TTC7A: variants seen among roughly 807,000 people sequenced by gnomAD.
TTC7A encodes the protein tetratricopeptide repeat protein 7A.
Under a neutral mutation model 103.7 loss-of-function variants are expected in TTC7A, and 110 were observed. That is an observed-to-expected ratio of 1.06 (90% CI 0.91 to 1.24). TTC7A has a LOEUF of 1.24. Among genes scored for constraint, TTC7A ranks in the 50% most tolerant of loss-of-function variants. TTC7A has a pLI of 0.00. For synonymous variants in TTC7A, 521 were observed against 467.9 expected (o/e 1.11, Z -1.47); for missense variants, 1,340 against 1,116.3 (o/e 1.20, Z -2.86).
At chr2:46,990,418 C>T (rs1675509508) in intron 5 of TTC7A, among the ~76,000 whole-genome samples, 2 of 152,166 alleles carry the variant, frequency 1.3e-5, no homozygotes, top group Non-Finnish European at 2.9e-5. Flanking sequence ...GTTCTTCTGT[C>T]CTCTGTGGGG....
intron 1 of TTC7A, among the ~76,000 whole-genome samples, chr2:46,947,514 G>A (rs1017655446): frequency 6.6e-6 from 1 of 152,096 alleles, no homozygotes; most frequent in Non-Finnish European, 1.5e-5. Flanking sequence ...CCAGGAGTTC[G>A]AGACCAGCCT....
At chr2:46,968,862 TC>T (rs1433132300) in intron 3 of TTC7A, among the ~76,000 whole-genome samples, 1 of 151,962 alleles carries the variant, frequency 6.6e-6, no homozygotes, top group Non-Finnish European at 1.5e-5. Context: ...AACATTTCTA[TC>T]ACCACAGAAA....
intron 3 of TTC7A, among the ~76,000 whole-genome samples, chr2:46,966,450 T>G (rs1416686735): frequency 1.3e-5 from 2 of 152,268 alleles, no homozygotes; most frequent in Non-Finnish European, 2.9e-5. Flanking sequence ...CAGTCATGTT[T>G]TATAATCTGC....
intron 18 of TTC7A, among the ~76,000 whole-genome samples, chr2:47,057,364 A>G (rs1267330762): frequency 1.3e-5 from 2 of 152,166 alleles, no homozygotes; most frequent in African/African-American, 2.4e-5. Context: ...ACGGTTCTTC[A>G]GGGCGTGCTC....
intron 2 of TTC7A, among the ~76,000 whole-genome samples, chr2:46,922,390 A>C (rs1669151809): frequency 6.6e-6 from 1 of 152,172 alleles, no homozygotes; most frequent in Non-Finnish European, 1.5e-5. Context: ...TGTTTCCTCA[A>C]AGAGCTTTGA....
rs769210373 is a variant in TTC7A at position 46,978,849 on chromosome 2, C to T, written c.706C>T (p.Leu236Phe). 1.9e-6 allele frequency: 3 copies of T among 1,614,114 alleles called. No homozygotes were observed. The highest frequency in any genetic ancestry group is 4.5e-5 in the East Asian group (2 of 44,876). Residue 236 changes from leucine (L) to phenylalanine (F), a missense_variant, in exon 5 of 20, where the codon CTC (leucine) becomes TTC (phenylalanine). Leu to Phe is a conservative substitution (Grantham distance 22, BLOSUM62 0). Transcript: ENST00000319190. ...AGGCTGTCACCCGCTTGACTATGAGCTCACCTACTTCCTGGAAGCTGCCCT... is the reference window on the plus strand; with the variant it reads ...AGGCTGTCACCCGCTTGACTATGAGTTCACCTACTTCCTGGAAGCTGCCCT... ...LKGCHPLDYE[L>F]TYFLEAALQS... is the part of the protein sequence containing the mutation.
chr2:46,941,812 C>G lies in TTC7A; in HGVS notation c.184+87C>G. On this transcript the variant is annotated intron_variant, in intron 1 of 19. Transcript: ENST00000319190. The surrounding 1 kb of genome is among the most constrained non-coding windows in gnomAD (Gnocchi z 4.2). ...GGAAGCGCGCCCAGACAGTCCTCGG[C>G]CGACAGCGGGCGCCTGCCAGCCCAC... The G allele has an allele frequency of 6.6e-7, 1 of 1,504,984 alleles. No homozygotes were observed. Among genetic ancestry groups the G allele is most frequent in the South Asian group, 1.2e-5 (1 of 80,830 alleles). 93.2% of individuals were successfully genotyped at this position (1,504,984 alleles called of 1,614,324 possible).
At chr2:47,005,419 C>G (rs938065867) in intron 8 of TTC7A, among the ~76,000 whole-genome samples, 3 of 152,072 alleles carry the variant, frequency 2.0e-5, no homozygotes, top group Non-Finnish European at 2.9e-5. Flanking sequence ...GCAAACACAC[C>G]AGGGACTGTT....
intron 3 of TTC7A, among the ~76,000 whole-genome samples, chr2:46,958,268 G>A (rs1213366396): frequency 6.6e-6 from 1 of 152,244 alleles, no homozygotes; most frequent in Non-Finnish European, 1.5e-5. Flanking sequence ...GTCACTGTGG[G>A]TGGTCTTCGT....
chr2:46,952,441 A>G (rs1671497015), intron 2 of TTC7A, among the ~76,000 whole-genome samples: 1 of 152,188 alleles, frequency 6.6e-6, no homozygotes, highest in Non-Finnish European at 1.5e-5. Flanking sequence ...CAGTCAACAA[A>G]TAAGTAATTT....
At chr2:47,005,111 C>T (rs1026110353) in intron 8 of TTC7A, among the ~76,000 whole-genome samples, 3 of 152,192 alleles carry the variant, frequency 2.0e-5, no homozygotes, top group Admixed American at 6.5e-5. Flanking sequence ...AAATCCTCGG[C>T]GCTGGACGCC....
intron 3 of TTC7A, among the ~76,000 whole-genome samples, chr2:46,964,139 A>T (rs1040436441): frequency 4.6e-5 from 7 of 152,226 alleles, no homozygotes; most frequent in Admixed American, 4.6e-4. Flanking sequence ...GTTCGATTGA[A>T]GCACTCTTGC....
chr2:47,018,240 G>A (rs1214317703), intron 11 of TTC7A, among the ~76,000 whole-genome samples: 1 of 145,416 alleles, frequency 6.9e-6, no homozygotes, highest in Non-Finnish European at 1.5e-5. Flanking sequence ...TCGCACCACT[G>A]TACTCCAACC....
intron 11 of TTC7A, among the ~76,000 whole-genome samples, chr2:47,015,649 G>A (rs1456934465): frequency 6.6e-6 from 1 of 152,212 alleles, no homozygotes. Context: ...CATGAAGAGT[G>A]CCCCTGCTTA....
At position 47,023,703 on chromosome 2, in the gene TTC7A, G is replaced by A. The variant is rs529612970; in HGVS notation, c.1568+238G>A. Reference sequence around the variant, plus strand: ...CAAGTCTCGGTTCCTGCTCTCCCAGGGCTCAGGGGTCTAAAATGGGTATAG... The same window carrying A: ...CAAGTCTCGGTTCCTGCTCTCCCAGAGCTCAGGGGTCTAAAATGGGTATAG... On this transcript the variant is annotated intron_variant, in intron 13 of 19. Transcript: ENST00000319190. Among the ~76,000 whole-genome samples the A allele has an allele frequency of 2.6e-5, 4 of 152,262 alleles. No homozygotes were observed. The East Asian group carries it at 7.7e-4, about 29-fold the overall frequency.
chr2:47,002,697 G>C (rs1676950620), intron 8 of TTC7A, among the ~76,000 whole-genome samples: 1 of 152,098 alleles, frequency 6.6e-6, no homozygotes, highest in Non-Finnish European at 1.5e-5. Context: ...CTGTTCTGCT[G>C]TGGCTTACCC....
chr2:46,947,452 A>G (rs1244497284), intron 1 of TTC7A, among the ~76,000 whole-genome samples: 1 of 152,190 alleles, frequency 6.6e-6, no homozygotes, highest in African/African-American at 2.4e-5. Flanking sequence ...ATAGTGGTTC[A>G]CATCTGTAAT....
chr2:47,028,972 G>T (rs978221419), intron 14 of TTC7A, among the ~76,000 whole-genome samples: 16 of 152,332 alleles, frequency 1.1e-4, no homozygotes, highest in Non-Finnish European at 1.9e-4. Context: ...CATTTAGGAA[G>T]TGCTTCCTGG....
intron 5 of TTC7A, among the ~76,000 whole-genome samples, chr2:46,986,625 C>G (rs1287919993): frequency 6.6e-6 from 1 of 152,140 alleles, no homozygotes; most frequent in African/African-American, 2.4e-5. Context: ...TGCTGCAGTT[C>G]CTCAGAGTCC....
Sources: gnomAD v4.1 joint callset for allele counts (sites outside exome capture counted in the v4.1 genomes callset) on GRCh38, gnomAD v4.1.1 for gene constraint, Gnocchi (gnomAD v3.1) non-coding constraint, MANE v1.5 for transcripts, NCBI Gene and HGNC (gene_info 2026-07-23, HGNC 2026-07-21) for gene names.